The following AHCTF1 variants were observed in gnomAD, a reference collection of about 807,000 sequenced individuals.
AHCTF1 encodes AT-hook containing transcription factor 1.
AHCTF1 carries 24 observed loss-of-function variants against 248.4 expected under a neutral mutation model. The observed-to-expected ratio is 0.10, with a 90% CI of 0.07 to 0.14. The LOEUF is 0.14. Ranked by LOEUF, AHCTF1 falls within the 10% of genes least tolerant of loss-of-function variation. The pLI is 1.00. For missense variants in AHCTF1, 2,206 were observed against 2,636.2 expected, an observed-to-expected ratio of 0.84 and a Z score of 3.57; for synonymous variants, 786 against 929.8, an observed-to-expected ratio of 0.85 and a Z score of 2.81.
At chr1:246,907,211 G>A (rs1665453891) in intron 5 of AHCTF1, among the ~76,000 whole-genome samples, 1 of 152,134 alleles carries the variant, frequency 6.6e-6, no homozygotes, top group Non-Finnish European at 1.5e-5. Flanking sequence ...TCAAAATACA[G>A]TAAAATTTTA....
At chr1:246,865,359 A>G (rs1308208611) in intron 26 of AHCTF1, 2 of 152,176 alleles carry the variant, frequency 1.3e-5, no homozygotes, top group Admixed American at 6.5e-5. Context: ...GAGTTTTGCT[A>G]TTAGGAGCGG....
chr1:246,921,713 C>T lies in AHCTF1; in HGVS notation c.-7-3336G>A, dbSNP rs574504008. On this transcript the variant is annotated intron_variant, in intron 1 of 35. Coordinates refer to ENST00000648844, the MANE Select transcript of AHCTF1 (RefSeq NM_001323342.2). ...AACAACAGTAGTAGAAACCGCAATTCTGGAATATCTTCAGAAGTCTAACCA... is the reference window on the plus strand; with the variant it reads ...AACAACAGTAGTAGAAACCGCAATTTTGGAATATCTTCAGAAGTCTAACCA... Among the ~76,000 whole-genome samples the T allele has an allele frequency of 9.8e-4, 150 of 152,290 alleles. 3 individuals are homozygous for T. The South Asian group carries it at 0.029, about 30-fold the overall frequency.
chr1:246,867,786 T>G lies in AHCTF1; in HGVS notation c.3114A>C (p.Ala1038=). The G allele has an allele frequency of 6.2e-7, 1 of 1,612,224 alleles. No individual in the cohort carries two copies. The highest frequency in any genetic ancestry group is 1.1e-5 in the South Asian group (1 of 90,836). ...RLVSRPKPLS[A]VPKQVVTGTV... The stretch of plus-strand genomic sequence containing the variant: ...TTCCTGTTACAACTTGCTTTGGAAC[T>G]GCTGATAATGGTTTGGGTCTAGAAA... The change falls in exon 25 of 36, where the codon GCA becomes GCC. Residue 1038 remains alanine (A), a synonymous_variant. Coordinates refer to ENST00000648844, the MANE Select transcript of AHCTF1 (RefSeq NM_001323342.2).
At chr1:246,863,785 G>A in intron 27 of AHCTF1, 139 bp downstream of exon 27, 1 of 831,808 alleles carries the variant, frequency 1.2e-6, no homozygotes, top group Non-Finnish European at 1.9e-6. Flanking sequence ...TAGAAGATGT[G>A]AAAACATAAA....
chr1:246,839,828 G>A lies in AHCTF1; in HGVS notation c.*978C>T, dbSNP rs1659724367. On this transcript the variant is annotated 3_prime_UTR_variant, in exon 36 of 36. Coordinates refer to ENST00000648844, the MANE Select transcript of AHCTF1 (RefSeq NM_001323342.2). ...TACCATTGCTTAATTGCACACAGTT[G>A]TACTGTAGAGAACAGGGCGTGTGTT... 6.6e-6 allele frequency: 1 copy of A among 152,620 alleles called. No homozygotes were observed. Among genetic ancestry groups the A allele is most frequent in the Admixed American group, 6.6e-5 (1 of 15,264 alleles). The allele number at this position is 152,620 out of a possible 1,614,324, so 9.5% of individuals were successfully genotyped here. A position where few individuals can be genotyped will look rare whatever the true frequency, so the allele number is the denominator to read the frequency against.
chr1:246,843,194 A>G (rs1193122381), intron 34 of AHCTF1, among the ~76,000 whole-genome samples: 2 of 152,230 alleles, frequency 1.3e-5, no homozygotes, highest in African/African-American at 4.8e-5. Flanking sequence ...TGCCATTGCC[A>G]TGCTCTGAGC....
chr1:246,848,026 G>A (rs1259053776), intron 33 of AHCTF1, among the ~76,000 whole-genome samples: 3 of 151,950 alleles, frequency 2.0e-5, no homozygotes, highest in Admixed American at 2.0e-4. Context: ...GCAAAACATA[G>A]GTCTAACCAC....
At chr1:246,917,489 G>A (rs1017730538) in intron 2 of AHCTF1, among the ~76,000 whole-genome samples, 75 of 152,310 alleles carry the variant, frequency 4.9e-4, no homozygotes, top group African/African-American at 1.7e-3. Flanking sequence ...CCACTTACCT[G>A]TATAACTGGG....
intron 34 of AHCTF1, 57 bp from the exon 35 acceptor site, chr1:246,842,833 T>A (rs1487089026): frequency 1.4e-6 from 2 of 1,461,526 alleles, no homozygotes; most frequent in African/African-American, 2.8e-5. Flanking sequence ...ATTTTAAAAC[T>A]TCTATCCTGA....
intron 29 of AHCTF1, among the ~76,000 whole-genome samples, chr1:246,860,261 CTG>C (rs1344748793): frequency 1.3e-5 from 2 of 152,126 alleles, no homozygotes; most frequent in East Asian, 1.9e-4. Context: ...GAGTGAGACT[CTG>C]TCTCAAAAAT....
At chr1:246,908,483 C>T (rs1258469431) in intron 4 of AHCTF1, among the ~76,000 whole-genome samples, 2 of 152,048 alleles carry the variant, frequency 1.3e-5, no homozygotes, top group African/African-American at 4.8e-5. Flanking sequence ...GTTCTGTAGA[C>T]ATTGTGTTTC....
chr1:246,849,645 G>A lies in AHCTF1; in HGVS notation c.6361C>T (p.Pro2121Ser), dbSNP rs754758485. 2 of 1,610,274 alleles carry A rather than the reference G, an allele frequency of 1.2e-6. No individual in the cohort carries two copies. Among genetic ancestry groups the A allele is most frequent in the South Asian group, 1.1e-5 (1 of 90,888 alleles). Residue 2121 changes from proline to serine, a missense_variant, in exon 33 of 36, where the codon CCA becomes TCA. Transcript: ENST00000648844. ...GCTTTCCTTGGAACTTCTGACGCTG[G>A]AGAAAATAAAGGCTCATTGTTTGGT... Reference protein sequence around the residue: ...SEPNNEPLFSPASEVPRKAKA... With the variant: ...SEPNNEPLFSSASEVPRKAKA...
intron 24 of AHCTF1, among the ~76,000 whole-genome samples, chr1:246,869,031 A>G (rs977437900): frequency 2.0e-5 from 3 of 151,352 alleles, no homozygotes; most frequent in African/African-American, 4.9e-5. Context: ...TTTTTAGTAG[A>G]GACGGGGTTT....
chr1:246,880,943 A>T (rs1663355968), intron 21 of AHCTF1, among the ~76,000 whole-genome samples: 1 of 152,252 alleles, frequency 6.6e-6, no homozygotes, highest in Admixed American at 6.5e-5. Context: ...AGTCATTTTA[A>T]TAAGGAATGC....
chr1:246,898,543 G>A (rs1664764052), intron 11 of AHCTF1, among the ~76,000 whole-genome samples: 2 of 151,568 alleles, frequency 1.3e-5, no homozygotes, highest in Non-Finnish European at 1.5e-5. Flanking sequence ...ATTAGCAAAA[G>A]GTAGCTTATA....
intron 31 of AHCTF1, among the ~76,000 whole-genome samples, chr1:246,854,451 C>G (rs943102908): frequency 7.9e-5 from 12 of 151,990 alleles, no homozygotes; most frequent in African/African-American, 2.9e-4. Flanking sequence ...GTGATTGGCC[C>G]AAATGTTCAG....
chr1:246,911,298 C>T (rs959346114), intron 4 of AHCTF1, among the ~76,000 whole-genome samples: 10 of 152,152 alleles, frequency 6.6e-5, no homozygotes, highest in African/African-American at 2.4e-4. Context: ...ATCAAGCCTA[C>T]TTCTTTGATT....
intron 26 of AHCTF1, 147 bp downstream of exon 26, chr1:246,867,097 A>G: frequency 1.9e-6 from 1 of 523,178 alleles, no homozygotes; most frequent in Non-Finnish European, 3.3e-6. Flanking sequence ...TCCTAAAATT[A>G]CTGCTGCCCA....
At chr1:246,899,947 T>A in intron 10 of AHCTF1, 118 bp downstream of exon 10, 1 of 985,572 alleles carries the variant, frequency 1.0e-6, no homozygotes, top group South Asian at 1.7e-5. Context: ...GTTATCCATA[T>A]GTTAACTAAC....
Sources: gnomAD v4.1 joint callset for allele counts (sites outside exome capture counted in the v4.1 genomes callset) on GRCh38, gnomAD v4.1.1 for gene constraint, MANE v1.5 for transcripts, NCBI Gene and HGNC (gene_info 2026-07-23, HGNC 2026-07-21) for gene names.